Variants in CDHR1 observed in about 807,000 individuals in gnomAD.
The protein encoded by CDHR1 is cadherin-related family member 1.
A neutral mutation model predicts 72.1 loss-of-function variants in CDHR1; 61 were observed. That is an observed-to-expected ratio of 0.85 (90% confidence interval 0.69 to 1.05). The LOEUF (loss-of-function observed/expected upper bound fraction) is 1.05. Among genes scored for constraint, CDHR1 ranks in the 50% least tolerant of loss-of-function variants. The pLI, the probability that CDHR1 is intolerant of heterozygous loss-of-function variation, is 0.00. For missense variants in CDHR1, 1,186 were observed against 1,115.7 expected, an observed-to-expected ratio of 1.06 and a Z score of -0.90; for synonymous variants, 470 against 448.1, an observed-to-expected ratio of 1.05 and a Z score of -0.62.
Position 84,211,633 on chromosome 10 carries a change from C to T in CDHR1, c.1486-15C>T. 1 of 1,613,412 alleles carries T rather than the reference C, an allele frequency of 6.2e-7. No homozygotes were observed. Among genetic ancestry groups the T allele is most frequent in the Non-Finnish European group, 8.5e-7 (1 of 1,179,314 alleles). On this transcript the variant is annotated splice_polypyrimidine_tract_variant and intron_variant, in intron 13 of 16. Coordinates refer to ENST00000623527, the MANE Select transcript of CDHR1 (RefSeq NM_033100.4). ...ACAAAGAGGCACGTGCCACCCAGGG[C>T]TCTTTCTCTTCCAGGCTGTGGATCC...
rs1361558999 is a variant in CDHR1, at chr10:84,216,662, C to T, written c.*2041C>T. The T allele has an allele frequency of 1.0e-6, 1 of 985,360 alleles. No homozygotes were observed. Among genetic ancestry groups the T allele is most frequent in the African/African-American group, 1.7e-5 (1 of 57,258 alleles). The allele number at this position is 985,360 out of a possible 1,614,324, so 61.0% of individuals were successfully genotyped here. ...TCCATTCTTCGACCCCCAGATGTGACTCTAAAGAAGGCTGAAAATTTTTGT... is the reference window on the plus strand; with the variant it reads ...TCCATTCTTCGACCCCCAGATGTGATTCTAAAGAAGGCTGAAAATTTTTGT... On this transcript the variant is annotated 3_prime_UTR_variant, in exon 17 of 17. Transcript: ENST00000623527.
chr10:84,204,138 C>G (rs1201407635), intron 8 of CDHR1, among the ~76,000 whole-genome samples: 1 of 152,190 alleles, frequency 6.6e-6, no homozygotes, highest in Non-Finnish European at 1.5e-5. Flanking sequence ...CCACCTCTTC[C>G]TTCATGCACC....
chr10:84,207,864 G>C (rs112633301), intron 10 of CDHR1, among the ~76,000 whole-genome samples: 108 of 152,262 alleles, frequency 7.1e-4, no homozygotes, highest in African/African-American at 2.4e-3. Flanking sequence ...TCTGTGAGCT[G>C]TTGGACTAAG....
chr10:84,216,323 C>T lies in CDHR1; in HGVS notation c.*1702C>T. 6.1e-6 allele frequency: 6 copies of T among 985,454 alleles called. No homozygotes were observed. The highest frequency in any genetic ancestry group is 7.2e-6 in the Non-Finnish European group (6 of 829,948). 61.0% of individuals were successfully genotyped at this position (985,454 alleles called of 1,614,324 possible). ...GAATCCTTGCTGGGGTTTCTACAGT[C>T]CCCAACGTGAACAGTATTAAGCAAG... On this transcript the variant is annotated 3_prime_UTR_variant, in exon 17 of 17. Coordinates refer to ENST00000623527, the MANE Select transcript of CDHR1 (RefSeq NM_033100.4).
At position 84,203,044 on chromosome 10, in the gene CDHR1, A is replaced by G. The variant is rs768256762; in HGVS notation, c.704A>G (p.Asn235Ser). ...VFSATTTVTV[N>S]VEDVQDMAPV... ...TCAGCCACCACCACGGTCACGGTCA[A>G]TGTGGAGGATGTTCAGGACATGGCC... Residue 235 changes from asparagine to serine, a missense_variant, in exon 8 of 17, where the codon AAT (asparagine) becomes AGT (serine). Asn to Ser is a conservative substitution (Grantham distance 46, BLOSUM62 1). Transcript: ENST00000623527. The G allele has an allele frequency of 6.2e-7, 1 of 1,614,058 alleles. No individual in the cohort carries two copies. The highest frequency in any genetic ancestry group is 1.7e-5 in the Admixed American group (1 of 60,002).
intron 1 of CDHR1, 151 bp downstream of exon 1, chr10:84,194,966 T>C (rs1313446440): frequency 6.0e-6 from 5 of 827,962 alleles, no homozygotes; most frequent in Admixed American, 6.0e-5. Context: ...TCCATCTTCC[T>C]GGCCCATTCG....
At chr10:84,197,450 A>G (rs1384250849) in intron 3 of CDHR1, among the ~76,000 whole-genome samples, 1 of 152,148 alleles carries the variant, frequency 6.6e-6, no homozygotes, top group Non-Finnish European at 1.5e-5. Flanking sequence ...AGAAAGAGGA[A>G]AAGTCTTTAT....
chr10:84,211,586 T>C (rs1842331941), intron 13 of CDHR1, 62 bp from the exon 14 acceptor site: 7 of 1,447,486 alleles, frequency 4.8e-6, no homozygotes, highest in Non-Finnish European at 6.8e-6. Context: ...CCTCAGGGCA[T>C]GGGAGCTGCC....
chr10:84,216,826 TC>T lies in CDHR1; in HGVS notation c.*2208del, dbSNP rs1299544668. 1 of 985,444 alleles carries T rather than the reference TC, an allele frequency of 1.0e-6. No homozygotes were observed. Among genetic ancestry groups the T allele is most frequent in the Non-Finnish European group, 1.2e-6 (1 of 829,964 alleles). 61.0% of individuals were successfully genotyped at this position (985,444 alleles called of 1,614,324 possible). On this transcript the variant is annotated 3_prime_UTR_variant, in exon 17 of 17. Transcript: ENST00000623527. Reference sequence around the variant, plus strand: ...TGGAGCTAGAATTAATTGCCCACTCTCCCACCCTACCAGTGCAGCCCGGCAA... The same window carrying T: ...TGGAGCTAGAATTAATTGCCCACTCTCCACCCTACCAGTGCAGCCCGGCAA...
At position 84,215,589 on chromosome 10, in the gene CDHR1, G is replaced by T. The variant is rs1423390662; in HGVS notation, c.*968G>T. Reference sequence around the variant, plus strand: ...ATCCTCTTCCTCATCTGTAAATGAAGAAAGTAGGCCCTGTCTACCTCACAT... The same window carrying T: ...ATCCTCTTCCTCATCTGTAAATGAATAAAGTAGGCCCTGTCTACCTCACAT... On this transcript the variant is annotated 3_prime_UTR_variant, in exon 17 of 17. Coordinates refer to ENST00000623527, the MANE Select transcript of CDHR1 (RefSeq NM_033100.4). 1.1e-6 allele frequency: 1 copy of T among 893,660 alleles called. No individual in the cohort carries two copies. Among genetic ancestry groups the T allele is most frequent in the Admixed American group, 6.2e-5 (1 of 16,170 alleles). 55.4% of individuals were successfully genotyped at this position (893,660 alleles called of 1,614,324 possible). A position where few individuals can be genotyped will look rare whatever the true frequency, so the allele number is the denominator to read the frequency against.
At chr10:84,219,210 C>G, downstream of CDHR1, 1 of 1,550,828 alleles carries the variant, frequency 6.4e-7, no homozygotes, top group Non-Finnish European at 8.7e-7. Flanking sequence ...GCGAAATTGC[C>G]TTATTCAATC....
At chr10:84,203,495 AC>A (rs1347556220) in intron 8 of CDHR1, among the ~76,000 whole-genome samples, 2 of 151,890 alleles carry the variant, frequency 1.3e-5, no homozygotes, top group Non-Finnish European at 2.9e-5. Flanking sequence ...GCTCACTGCA[AC>A]CTCTACCTCC....
At position 84,196,583 on chromosome 10, in the gene CDHR1, C is replaced by T; in HGVS notation, c.230C>T (p.Thr77Ile). 2 of 1,614,234 alleles carry T rather than the reference C, an allele frequency of 1.2e-6. No homozygotes were observed. The highest frequency in any genetic ancestry group is 1.7e-6 in the Non-Finnish European group (2 of 1,180,036). ...TACCACATCAGCTTTGACCCCAGCA[C>T]TAGAAGCGTCTTTTCTGTTGACCCC... ...ISYHISFDPSTRSVFSVDPTF... is the reference protein window; with the variant it reads ...ISYHISFDPSIRSVFSVDPTF... The change falls in exon 3 of 17, where the codon ACT becomes ATT. Residue 77 changes from threonine (T) to isoleucine (I), a missense_variant. Coordinates refer to ENST00000623527, the MANE Select transcript of CDHR1 (RefSeq NM_033100.4).
Position 84,203,067 on chromosome 10 carries a change from G to A in CDHR1, c.727G>A (p.Ala243Thr). 3 of 1,614,206 alleles carry A rather than the reference G, an allele frequency of 1.9e-6. No homozygotes were observed. The highest frequency in any genetic ancestry group is 2.5e-6 in the Non-Finnish European group (3 of 1,180,044). Reference sequence around the variant, plus strand: ...CAATGTGGAGGATGTTCAGGACATGGCCCCTGTCTTCGTGGGCACACCCTA... The same window carrying A: ...CAATGTGGAGGATGTTCAGGACATGACCCCTGTCTTCGTGGGCACACCCTA... ...TVNVEDVQDM[A>T]PVFVGTPYYG... The change falls in exon 8 of 17, where the codon GCC becomes ACC. Residue 243 changes from alanine (A) to threonine (T), a missense_variant. Transcript: ENST00000623527.
chr10:84,199,014 C>T lies in CDHR1; in HGVS notation c.349-18C>T, dbSNP rs1416304488. ...AGGTCTCATTGCACTGGCTCTTGAC[C>T]CCTCTGCCCCTTCTCAGGTGGCCGA... On this transcript the variant is annotated intron_variant, in intron 4 of 16. Transcript: ENST00000623527. 1 of 1,548,330 alleles carries T rather than the reference C, an allele frequency of 6.5e-7. No homozygotes were observed. Among genetic ancestry groups the T allele is most frequent in the Non-Finnish European group, 8.7e-7 (1 of 1,144,012 alleles).
In CDHR1 at chr10:84,216,830, A is replaced by G. The variant is rs1351192397; in HGVS notation, c.*2209A>G. 2.0e-6 allele frequency: 2 copies of G among 985,254 alleles called. No homozygotes were observed. The highest frequency in any genetic ancestry group is 2.4e-6 in the Non-Finnish European group (2 of 829,950). 61.0% of individuals were successfully genotyped at this position (985,254 alleles called of 1,614,324 possible). On this transcript the variant is annotated 3_prime_UTR_variant, in exon 17 of 17. Coordinates refer to ENST00000623527, the MANE Select transcript of CDHR1 (RefSeq NM_033100.4). ...GCTAGAATTAATTGCCCACTCTCCC[A>G]CCCTACCAGTGCAGCCCGGCAAGGG...
At chr10:84,206,260 T>C (rs988674241) in intron 10 of CDHR1, among the ~76,000 whole-genome samples, 1 of 151,874 alleles carries the variant, frequency 6.6e-6, no homozygotes, top group African/African-American at 2.4e-5. Context: ...AACTGATATA[T>C]TGGGGGAACA....
At chr10:84,202,032 C>G (rs1022440260) in intron 7 of CDHR1, 112 bp downstream of exon 7, 4 of 798,408 alleles carry the variant, frequency 5.0e-6, no homozygotes, top group Non-Finnish European at 8.5e-6. Flanking sequence ...ACATGATGGG[C>G]GTGGGGAAAT....
rs761463686 is a variant in CDHR1, at chr10:84,215,868, G to A, written c.*1247G>A. 15 of 985,280 alleles carry A rather than the reference G, an allele frequency of 1.5e-5. No homozygotes were observed. Among genetic ancestry groups the A allele is most frequent in the African/African-American group, 3.5e-5 (2 of 57,174 alleles). 61.0% of individuals were successfully genotyped at this position (985,280 alleles called of 1,614,324 possible). ...TCTGTTCTTCCCTCACTCCATCCCC[G>A]CTACCGTCCTGGCCAGCTACCGTCA... On this transcript the variant is annotated 3_prime_UTR_variant, in exon 17 of 17. Transcript: ENST00000623527.
Sources: allele counts gnomAD v4.1 joint callset (sites outside exome capture counted in the v4.1 genomes callset), GRCh38; gene constraint gnomAD v4.1.1; transcripts MANE v1.5; gene names NCBI Gene and HGNC (gene_info 2026-07-23, HGNC 2026-07-21).